Variants in ADAM22 observed in about 807,000 individuals in gnomAD.
The protein encoded by ADAM22 is disintegrin and metalloproteinase domain-containing protein 22.
In ADAM22, 65 loss-of-function variants were observed where a neutral mutation model predicts 144.6. The ratio of observed to expected loss-of-function variants is 0.45; its 90% CI spans 0.37 to 0.55. The LOEUF is 0.55. ADAM22 is among the 20% of genes least tolerant of loss of function. ADAM22 has a pLI of 0.00. For synonymous variants in ADAM22, 391 were observed against 412.6 expected, an observed-to-expected ratio of 0.95 and a Z score of 0.63; for missense variants, 974 against 1,184.9, an observed-to-expected ratio of 0.82 and a Z score of 2.61.
intron 4 of ADAM22, among the ~76,000 whole-genome samples, chr7:88,088,547 A>G (rs1340263610): frequency 2.0e-5 from 3 of 151,654 alleles, no homozygotes; most frequent in Non-Finnish European, 4.4e-5. Context: ...CAGCTGTAAG[A>G]AATCACTTAG....
At chr7:88,019,483 GA>G (rs1436770577) in intron 3 of ADAM22, among the ~76,000 whole-genome samples, 2 of 151,434 alleles carry the variant, frequency 1.3e-5, no homozygotes, top group African/African-American at 4.8e-5. Context: ...TCTAAACAAA[GA>G]AAGAAATAAA....
Position 88,041,198 on chromosome 7 carries a change from T to A in ADAM22, c.324-34428T>A, listed in dbSNP as rs566060706. 7.2e-5 allele frequency among the ~76,000 whole-genome samples: 11 copies of A among 152,114 alleles called. No homozygotes were observed. In the East Asian group the frequency reaches 1.5e-3, roughly 21 times the overall value. On this transcript the variant is annotated intron_variant, in intron 3 of 31. Coordinates refer to ENST00000413139, the MANE Select transcript of ADAM22 (RefSeq NM_001324418.2). Reference sequence around the variant, plus strand: ...GGATGGTAACCCATCGTATTTACAGTCCCACCAATATTCAAGGGGAAGGAA... The same window carrying A: ...GGATGGTAACCCATCGTATTTACAGACCCACCAATATTCAAGGGGAAGGAA...
At position 88,131,327 on chromosome 7, in the gene ADAM22, C is replaced by T; in HGVS notation, c.884C>T (p.Thr295Ile). 2 of 1,613,708 alleles carry T rather than the reference C, an allele frequency of 1.2e-6. No individual in the cohort carries two copies. The highest frequency in any genetic ancestry group is 1.7e-6 in the Non-Finnish European group (2 of 1,179,854). Residue 295 changes from threonine to isoleucine, a missense_variant, in exon 11 of 32, where the codon ACT becomes ATT. This residue lies in a region of ADAM22 where 734 missense variants were observed against 950.6 expected (regional missense o/e 0.77). Coordinates refer to ENST00000413139, the MANE Select transcript of ADAM22 (RefSeq NM_001324418.2). ...TTGGTTGCTATGGAAACCTGGGCGA[C>T]TGACAACAAGTTTGCCATATCTGAA... is the stretch of plus-strand genomic sequence containing the variant. ...IVLVAMETWA[T>I]DNKFAISENP...
At chr7:88,196,367 C>A in intron 31 of ADAM22, 104 bp from the exon 32 acceptor site, 3 of 1,322,876 alleles carry the variant, frequency 2.3e-6, no homozygotes, top group Non-Finnish European at 3.3e-6. Context: ...CATCCACAAT[C>A]ACATATATAT....
At chr7:88,061,571 T>C (rs1445561551) in intron 3 of ADAM22, among the ~76,000 whole-genome samples, 1 of 152,220 alleles carries the variant, frequency 6.6e-6, no homozygotes, top group African/African-American at 2.4e-5. Context: ...GCATTGTCAA[T>C]GAATAGCAAT....
At chr7:88,058,428 T>C (rs1053472415) in intron 3 of ADAM22, among the ~76,000 whole-genome samples, 1 of 152,258 alleles carries the variant, frequency 6.6e-6, no homozygotes. Flanking sequence ...TGGTTATTTA[T>C]GCTTTATAGC....
At chr7:88,129,843 T>C (rs1341961874) in intron 9 of ADAM22, among the ~76,000 whole-genome samples, 4 of 152,078 alleles carry the variant, frequency 2.6e-5, no homozygotes, top group African/African-American at 7.2e-5. Flanking sequence ...TTTTACATGA[T>C]ATTTCCTGAT....
intron 5 of ADAM22, among the ~76,000 whole-genome samples, chr7:88,112,143 C>G (rs1045414227): frequency 1.8e-4 from 27 of 152,222 alleles, no homozygotes; most frequent in African/African-American, 4.1e-4. Context: ...AAGGCTCCCC[C>G]TCTGACTCCT....
chr7:88,112,106 C>T lies in ADAM22; in HGVS notation c.474-2478C>T, dbSNP rs562631407. Among the ~76,000 whole-genome samples, 17 of 152,266 alleles carry T rather than the reference C, an allele frequency of 1.1e-4. 1 individual carries two copies. In the South Asian group the frequency reaches 3.3e-3, roughly 30 times the overall value. ...TCTCAGCAAGGGTAGAGAGATACTC[C>T]CTGCCATATTTGGTCTACGTTTTTG... is the stretch of plus-strand genomic sequence containing the variant. On this transcript the variant is annotated intron_variant, in intron 5 of 31. Transcript: ENST00000413139.
At chr7:88,069,517 A>G (rs1035212931) in intron 3 of ADAM22, among the ~76,000 whole-genome samples, 1 of 152,196 alleles carries the variant, frequency 6.6e-6, no homozygotes, top group African/African-American at 2.4e-5. Context: ...CTTCGCCATT[A>G]GAAGAGTTAC....
chr7:88,148,211 G>A (rs1202502676), intron 17 of ADAM22, among the ~76,000 whole-genome samples: 1 of 152,162 alleles, frequency 6.6e-6, no homozygotes, highest in African/African-American at 2.4e-5. Flanking sequence ...CAGACACAAA[G>A]CATGTAAGGA....
rs535852152 is a variant in ADAM22 at position 88,139,755 on chromosome 7, G to T, written c.1221-3271G>T. ...ATCCCTGAGCTGGAGGCTGTGTCAG[G>T]TTTTATAAGCATAGGGTAATGAGGT... is the stretch of plus-strand genomic sequence containing the variant. On this transcript the variant is annotated intron_variant, in intron 14 of 31. Coordinates refer to ENST00000413139, the MANE Select transcript of ADAM22 (RefSeq NM_001324418.2). Among the ~76,000 whole-genome samples the T allele has an allele frequency of 2.0e-3, 304 of 152,182 alleles. 3 individuals carry two copies. Among genetic ancestry groups the T allele is most frequent in the African/African-American group, 7.1e-3 (294 of 41,516 alleles).
chr7:88,046,345 C>T (rs1416974800), intron 3 of ADAM22, among the ~76,000 whole-genome samples: 3 of 152,114 alleles, frequency 2.0e-5, no homozygotes, highest in Non-Finnish European at 2.9e-5. Flanking sequence ...TTTTCATTTA[C>T]CTGTTGTCCA....
At chr7:88,113,662 G>GTATA (rs56827611) in intron 5 of ADAM22, among the ~76,000 whole-genome samples, 4,861 of 106,640 alleles carry the variant, frequency 0.046, 326 homozygotes, top group African/African-American at 0.14. Flanking sequence ...ATGTGTGTGT[G>GTATA]TATATATATA....
chr7:88,128,477 T>A (rs1305707270), intron 8 of ADAM22, 125 bp from the exon 9 acceptor site: 6 of 730,998 alleles, frequency 8.2e-6, no homozygotes, highest in Admixed American at 5.1e-5. Flanking sequence ...TGATGAAAAA[T>A]TTTTTAAATG....
chr7:87,959,593 A>G (rs1007793477), intron 2 of ADAM22, among the ~76,000 whole-genome samples: 1 of 152,206 alleles, frequency 6.6e-6, no homozygotes, highest in Non-Finnish European at 1.5e-5. Context: ...AGAGGACAAG[A>G]TGCTCCGTTT....
rs1192673019 is a variant in ADAM22 at position 87,974,099 on chromosome 7, TA to T, written c.247-4224del. Among the ~76,000 whole-genome samples the T allele has an allele frequency of 4.9e-3, 637 of 129,350 alleles. 5 individuals carry two copies. Among genetic ancestry groups the T allele is most frequent in the Admixed American group, 0.018 (241 of 13,044 alleles). The allele number at this position is 129,350 out of a possible 152,430, so 84.9% of individuals were successfully genotyped here. A position where few individuals can be genotyped will look rare whatever the true frequency, so the allele number is the denominator to read the frequency against. On this transcript the variant is annotated intron_variant, in intron 2 of 31. Coordinates refer to ENST00000413139, the MANE Select transcript of ADAM22 (RefSeq NM_001324418.2). The stretch of plus-strand genomic sequence containing the variant: ...ACTTAAAGTATAATAATAATAAAAT[TA>T]AAAAAAAAAAAAGAGAAACCTTGTC...
intron 3 of ADAM22, among the ~76,000 whole-genome samples, chr7:88,074,093 A>G (rs1278070772): frequency 1.3e-5 from 2 of 152,178 alleles, no homozygotes; most frequent in East Asian, 1.9e-4. Flanking sequence ...TAGGGATGCT[A>G]AGTGTGCTAC....
At chr7:87,981,367 A>G (rs565792609) in intron 3 of ADAM22, among the ~76,000 whole-genome samples, 1 of 152,278 alleles carries the variant, frequency 6.6e-6, no homozygotes, top group East Asian at 1.9e-4. Flanking sequence ...ACAGATTCTC[A>G]GCTTCTTGTC....
Sources: allele counts gnomAD v4.1 joint callset (sites outside exome capture counted in the v4.1 genomes callset), GRCh38; gene constraint gnomAD v4.1.1; regional missense constraint gnomAD v4.1.1; transcripts MANE v1.5; gene names NCBI Gene and HGNC (gene_info 2026-07-23, HGNC 2026-07-21).